Variants in POLQ observed in about 807,000 individuals in gnomAD.
POLQ encodes DNA polymerase theta, also known as epididymis secretory sperm binding protein.
A neutral mutation model predicts 259.2 loss-of-function variants in POLQ; 233 were observed. The observed-to-expected ratio is 0.90, with a 90% CI of 0.81 to 1.00. POLQ has a LOEUF of 1.00. POLQ is among the 50% of genes least tolerant of loss of function. POLQ has a pLI of 0.00. For missense variants in POLQ, 2,871 were observed against 3,051.6 expected, an observed-to-expected ratio of 0.94 and a Z score of 1.39; for synonymous variants, 1,025 against 1,048.8, an observed-to-expected ratio of 0.98 and a Z score of 0.44.
chr3:121,439,572 CA>C (rs1363968647), intron 27 of POLQ, among the ~76,000 whole-genome samples: 1 of 151,960 alleles, frequency 6.6e-6, no homozygotes, highest in African/African-American at 2.4e-5. Context: ...TAGAATGAAC[CA>C]AAAATTAATC....
Position 121,511,898 on chromosome 3 carries a change from C to T in POLQ, c.1600G>A (p.Ala534Thr). ...AAATTCTCTCTTACCTCCAGAATAGCTCGTATCATGCTGCCAGTTACTTCT... is the reference window on the plus strand; with the variant it reads ...AAATTCTCTCTTACCTCCAGAATAGTTCGTATCATGCTGCCAGTTACTTCT... ...GEEVTGSMIRAILEIIVGGVA... is the reference protein window; with the variant it reads ...GEEVTGSMIRTILEIIVGGVA... Residue 534 changes from alanine (A) to threonine (T), a missense_variant, in exon 10 of 30, where the codon GCT (alanine) becomes ACT (threonine). Ala to Thr is a moderately conservative substitution (Grantham distance 58, BLOSUM62 0). Transcript: ENST00000264233. 6.2e-7 allele frequency: 1 copy of T among 1,613,192 alleles called. No homozygotes were observed. The highest frequency in any genetic ancestry group is 1.1e-5 in the South Asian group (1 of 90,820).
intron 25 of POLQ, among the ~76,000 whole-genome samples, chr3:121,451,187 G>A (rs1206860214): frequency 5.9e-5 from 9 of 152,100 alleles, no homozygotes; most frequent in Non-Finnish European, 1.0e-4. Context: ...TTAGCCATTC[G>A]TCTAATCTTT....
chr3:121,529,525 C>T (rs986359663), intron 7 of POLQ, 120 bp downstream of exon 7: 2 of 906,710 alleles, frequency 2.2e-6, no homozygotes, highest in Admixed American at 2.1e-5. Context: ...AAGGATACCA[C>T]CTAGTGGGCA....
chr3:121,512,282 ACT>A (rs1302512238), intron 9 of POLQ, among the ~76,000 whole-genome samples: 1 of 151,964 alleles, frequency 6.6e-6, no homozygotes, highest in Non-Finnish European at 1.5e-5. Context: ...CACAGAAAGA[ACT>A]CTTTGTCCTC....
intron 14 of POLQ, chr3:121,494,065 A>T (rs1018785314): frequency 1.9e-4 from 124 of 638,080 alleles, no homozygotes; most frequent in Admixed American, 5.4e-5. Context: ...AGCAAAAGAG[A>T]ACTCTTAAAA....
intron 24 of POLQ, among the ~76,000 whole-genome samples, chr3:121,461,931 C>A (rs954219042): frequency 6.6e-6 from 1 of 151,984 alleles, no homozygotes; most frequent in Admixed American, 6.6e-5. Context: ...TAATGAATAA[C>A]CTATTCAAAA....
At chr3:121,510,305 CG>C in intron 10 of POLQ, 62 bp from the exon 11 acceptor site, 1 of 1,255,832 alleles carries the variant, frequency 8.0e-7, no homozygotes, top group Non-Finnish European at 1.2e-6. Flanking sequence ...CCACCGGGCG[CG>C]GTGGCTCATG....
chr3:121,447,627 T>G (rs1234832940), intron 26 of POLQ, among the ~76,000 whole-genome samples: 1 of 152,230 alleles, frequency 6.6e-6, no homozygotes, highest in East Asian at 1.9e-4. Flanking sequence ...CTCTGCGTAC[T>G]TAATATTACC....
chr3:121,519,783 T>C (rs1404143411), intron 9 of POLQ, 88 bp downstream of exon 9: 1 of 760,156 alleles, frequency 1.3e-6, no homozygotes, highest in African/African-American at 1.7e-5. Flanking sequence ...TACAGCATGA[T>C]GAGAAACAGG....
intron 15 of POLQ, 120 bp from the exon 16 acceptor site, chr3:121,490,528 G>C (rs1560098380): frequency 8.8e-6 from 7 of 793,534 alleles, no homozygotes; most frequent in Non-Finnish European, 1.4e-5. Context: ...AGAAGAGAGA[G>C]AAATGTATCT....
chr3:121,508,307 G>T (rs533553588), intron 12 of POLQ, among the ~76,000 whole-genome samples: 29 of 152,248 alleles, frequency 1.9e-4, no homozygotes, highest in Non-Finnish European at 3.2e-4. Context: ...TTTGGCAAAT[G>T]ACTTACATAA....
rs145989121 is a variant in POLQ, at chr3:121,487,721, G to A, written c.5210C>T (p.Pro1737Leu). The A allele has an allele frequency of 2.0e-5, 33 of 1,613,728 alleles. No homozygotes were observed. Among genetic ancestry groups the A allele is most frequent in the Non-Finnish European group, 2.6e-5 (31 of 1,179,790 alleles). The change falls in exon 16 of 30, where the codon CCT becomes CTT. Residue 1737 changes from proline (P) to leucine (L), a missense_variant. By Grantham distance (98) the Pro-to-Leu change is moderately conservative. Around this residue, in one of 3 missense-constraint regions of POLQ, gnomAD observed 2,080 missense variants for 2,126.0 expected, o/e 0.98. Transcript: ENST00000264233. ...NIVDDNGLIP[P>L]TPIPTSASKL... ...AGAAGCAGATGTTGGAATGGGTGTA[G>A]GAGGAATGAGACCATTATCATCAAC...
At chr3:121,466,400 A>G (rs911933000) in intron 24 of POLQ, among the ~76,000 whole-genome samples, 2 of 102,880 alleles carry the variant, frequency 1.9e-5, no homozygotes, top group Non-Finnish European at 4.2e-5. Flanking sequence ...AGAAATTACC[A>G]TACACCTTAG....
rs755266013 is a variant in POLQ at position 121,449,440 on chromosome 3, A to G, written c.7153-14T>C. 3 of 1,338,552 alleles carry G rather than the reference A, an allele frequency of 2.2e-6. No individual in the cohort carries two copies. The highest frequency in any genetic ancestry group is 1.2e-5 in the South Asian group (1 of 84,952). 82.9% of individuals were successfully genotyped at this position (1,338,552 alleles called of 1,614,324 possible). A position where few individuals can be genotyped will look rare whatever the true frequency, so the allele number is the denominator to read the frequency against. ...CCCATAGCAAATCTGAAAGGGAGTC[A>G]TCCAACAAATAAAGGTTATAAGTAC... On this transcript the variant is annotated splice_polypyrimidine_tract_variant and intron_variant, in intron 25 of 29. Coordinates refer to ENST00000264233, the MANE Select transcript of POLQ (RefSeq NM_199420.4).
intron 12 of POLQ, among the ~76,000 whole-genome samples, chr3:121,504,804 T>A (rs1292367257): frequency 6.6e-6 from 1 of 152,136 alleles, no homozygotes; most frequent in Non-Finnish European, 1.5e-5. Context: ...TTTCACAGGC[T>A]CATCAGTGGA....
intron 9 of POLQ, 123 bp from the exon 10 acceptor site, chr3:121,512,152 T>C (rs2048260423): frequency 5.2e-6 from 4 of 766,888 alleles, no homozygotes; most frequent in African/African-American, 1.8e-5. Flanking sequence ...GTTGTTATGG[T>C]AATAAAATTA....
chr3:121,490,460 A>C, intron 15 of POLQ, 52 bp from the exon 16 acceptor site: 1 of 1,438,992 alleles, frequency 6.9e-7, no homozygotes, highest in Non-Finnish European at 9.7e-7. Context: ...TTCGTAAGGC[A>C]AGTATTTATT....
intron 9 of POLQ, 98 bp from the exon 10 acceptor site, chr3:121,512,127 C>T (rs1479646173): frequency 1.7e-5 from 17 of 1,004,126 alleles, no homozygotes; most frequent in Non-Finnish European, 2.5e-5. Context: ...TAAAAGCAGA[C>T]AAGAGATGAT....
rs748072643 is a variant in POLQ, at chr3:121,498,501, T to C, written c.2129A>G (p.His710Arg). The change falls in exon 13 of 30, where the codon CAT becomes CGT. Residue 710 changes from histidine (H) to arginine (R), a missense_variant. Physicochemically the swap from His to Arg is conservative, Grantham distance 29. Coordinates refer to ENST00000264233, the MANE Select transcript of POLQ (RefSeq NM_199420.4). ...GKVVARTERQ[H>R]RQMAIHKRFF... is the part of the protein sequence containing the mutation. Reference sequence around the variant, plus strand: ...CCTTTTATGGATGGCCATTTGTCGATGCTGTCTCTCAGTTCTGGCTACTAC... The same window carrying C: ...CCTTTTATGGATGGCCATTTGTCGACGCTGTCTCTCAGTTCTGGCTACTAC... The C allele has an allele frequency of 6.2e-7, 1 of 1,613,910 alleles. No homozygotes were observed. Among genetic ancestry groups the C allele is most frequent in the African/African-American group, 1.3e-5 (1 of 74,908 alleles).
Sources: allele counts gnomAD v4.1 joint callset (sites outside exome capture counted in the v4.1 genomes callset), GRCh38; gene constraint gnomAD v4.1.1; regional missense constraint gnomAD v4.1.1; transcripts MANE v1.5; gene names NCBI Gene and HGNC (gene_info 2026-07-23, HGNC 2026-07-21).